ANKS1B: variants seen among roughly 807,000 people sequenced by gnomAD.
The protein encoded by ANKS1B is ankyrin repeat and sterile alpha motif domain containing 1B.
A neutral mutation model predicts 148.3 loss-of-function variants in ANKS1B; 36 were observed. The observed-to-expected ratio is 0.24, with a 90% CI of 0.19 to 0.32. The LOEUF (loss-of-function observed/expected upper bound fraction) is 0.32, where lower values mean the gene tolerates loss of function less well. ANKS1B is among the 10% of genes least tolerant of loss of function. The pLI, the probability that ANKS1B is intolerant of heterozygous loss-of-function variation, is 1.00. For synonymous variants in ANKS1B, 542 were observed against 560.8 expected (o/e 0.97, Z 0.47); for missense variants, 1,157 against 1,542.6 (o/e 0.75, Z 4.19).
intron 12 of ANKS1B, among the ~76,000 whole-genome samples, chr12:99,313,695 A>G (rs2083533811): frequency 6.6e-6 from 1 of 152,222 alleles, no homozygotes; most frequent in Non-Finnish European, 1.5e-5. Context: ...GGTGCAGAAA[A>G]GGCCTTTGAT....
intron 17 of ANKS1B, among the ~76,000 whole-genome samples, chr12:99,034,103 C>T (rs1161394575): frequency 6.6e-6 from 1 of 152,188 alleles, no homozygotes; most frequent in Admixed American, 6.5e-5. Context: ...CCCCAGACTG[C>T]TGTGTGACTG....
chr12:99,848,575 C>T (rs1370964483), intron 1 of ANKS1B, among the ~76,000 whole-genome samples: 4 of 151,970 alleles, frequency 2.6e-5, no homozygotes, highest in South Asian at 4.2e-4. Flanking sequence ...CTATATAGTC[C>T]CTTGATTTAT....
intron 24 of ANKS1B, among the ~76,000 whole-genome samples, chr12:98,776,246 AAC>A (rs1453788233): frequency 6.6e-6 from 1 of 152,238 alleles, no homozygotes; most frequent in Non-Finnish European, 1.5e-5. Context: ...GCCAAAGAGG[AAC>A]ACATTCTTTC....
At chr12:98,781,069 C>T (rs1431313729) in intron 24 of ANKS1B, 48 bp downstream of exon 24, 1 of 1,199,528 alleles carries the variant, frequency 8.3e-7, no homozygotes, top group Non-Finnish European at 1.2e-6. Flanking sequence ...AGATCATACA[C>T]TCAGGACTGC....
At chr12:99,800,218 ACTCT>A (rs1225266137) in intron 4 of ANKS1B, among the ~76,000 whole-genome samples, 3 of 151,628 alleles carry the variant, frequency 2.0e-5, no homozygotes, top group Admixed American at 6.6e-5. Flanking sequence ...ACATCAGGGA[ACTCT>A]CTCTCCATTC....
chr12:99,064,084 G>A (rs186804155), intron 16 of ANKS1B, among the ~76,000 whole-genome samples: 3 of 152,286 alleles, frequency 2.0e-5, no homozygotes, highest in East Asian at 1.9e-4. Context: ...TACTGATTTG[G>A]GGTTCCTTGA....
chr12:99,883,611 T>C (rs12819666), intron 1 of ANKS1B, among the ~76,000 whole-genome samples: 4 of 107,852 alleles, frequency 3.7e-5, no homozygotes, highest in South Asian at 3.1e-4. Context: ...GGCATAGACT[T>C]GGGGCAGGGG....
intron 12 of ANKS1B, among the ~76,000 whole-genome samples, chr12:99,379,578 C>G (rs1435766604): frequency 6.6e-6 from 1 of 152,194 alleles, no homozygotes; most frequent in Non-Finnish European, 1.5e-5. Flanking sequence ...TAACTCCTCT[C>G]AAATTACTGG....
intron 8 of ANKS1B, among the ~76,000 whole-genome samples, chr12:99,764,857 G>C (rs1344465405): frequency 6.6e-6 from 1 of 152,220 alleles, no homozygotes; most frequent in East Asian, 1.9e-4. Flanking sequence ...TTTGCAGTGA[G>C]GACCAGGGCT....
intron 8 of ANKS1B, among the ~76,000 whole-genome samples, chr12:99,710,495 T>C (rs371000179): frequency 2.0e-5 from 3 of 152,244 alleles, no homozygotes; most frequent in East Asian, 1.9e-4. Context: ...CTCAAGTCTA[T>C]GTATTGTGAA....
intron 9 of ANKS1B, among the ~76,000 whole-genome samples, chr12:99,576,878 C>A (rs1172976509): frequency 6.6e-6 from 1 of 151,616 alleles, no homozygotes; most frequent in Non-Finnish European, 1.5e-5. Context: ...GAGCATAGTA[C>A]CCAATACTTA....
chr12:99,068,310 G>C (rs754576405), intron 16 of ANKS1B, among the ~76,000 whole-genome samples: 1 of 152,058 alleles, frequency 6.6e-6, no homozygotes, highest in East Asian at 1.9e-4. Context: ...GTGTACTTAC[G>C]CAAACCTAGA....
At chr12:99,980,862 G>A (rs2095691525) in intron 1 of ANKS1B, among the ~76,000 whole-genome samples, 1 of 151,952 alleles carries the variant, frequency 6.6e-6, no homozygotes, top group Non-Finnish European at 1.5e-5. Context: ...GTGGATTTTA[G>A]CTCAATGAAA....
At chr12:99,169,517 A>T (rs1300502315) in intron 14 of ANKS1B, among the ~76,000 whole-genome samples, 1 of 152,238 alleles carries the variant, frequency 6.6e-6, no homozygotes. Flanking sequence ...GGTGACTGAC[A>T]TAAGGCACAT....
chr12:99,613,387 A>G (rs531202053), intron 9 of ANKS1B, among the ~76,000 whole-genome samples: 1 of 152,256 alleles, frequency 6.6e-6, no homozygotes, highest in East Asian at 1.9e-4. Context: ...GTTCCATTAT[A>G]AAATACATGC....
At chr12:98,735,149 C>T (rs2097767666) in exon 10 of ANKS1B, 2 of 398,642 alleles carry the variant, frequency 5.0e-6, no homozygotes, top group Non-Finnish European at 8.8e-6. Context: ...GATGGAGCTG[C>T]AAATTTCATG....
At chr12:98,919,994 C>T (rs1034606007) in intron 17 of ANKS1B, among the ~76,000 whole-genome samples, 5 of 152,142 alleles carry the variant, frequency 3.3e-5, no homozygotes, top group Admixed American at 2.0e-4. Context: ...TATTAGTTTG[C>T]TAGGTCTACC....
intron 19 of ANKS1B, among the ~76,000 whole-genome samples, chr12:98,816,733 C>T (rs979587448): frequency 6.6e-6 from 1 of 152,178 alleles, no homozygotes; most frequent in Non-Finnish European, 1.5e-5. Flanking sequence ...ATCAATCTTG[C>T]TTTTAATCAA....
intron 17 of ANKS1B, among the ~76,000 whole-genome samples, chr12:98,883,875 G>C (rs2099724912): frequency 6.6e-6 from 1 of 152,090 alleles, no homozygotes; most frequent in African/African-American, 2.4e-5. Flanking sequence ...AGAAGTATTG[G>C]ATCTAGAATC....
Sources: gnomAD v4.1 joint callset for allele counts (sites outside exome capture counted in the v4.1 genomes callset) on GRCh38, gnomAD v4.1.1 for gene constraint, MANE v1.5 for transcripts, NCBI Gene and HGNC (gene_info 2026-07-23, HGNC 2026-07-21) for gene names.